The following LMNB1 variants were observed in gnomAD, a reference collection of about 807,000 sequenced individuals.
LMNB1 encodes the protein lamin-B1.
LMNB1 carries 23 observed loss-of-function variants against 67.1 expected under a neutral mutation model. The ratio of observed to expected loss-of-function variants is 0.34; its 90% CI spans 0.25 to 0.49. The LOEUF (loss-of-function observed/expected upper bound fraction) is 0.49. Ranked by LOEUF, LMNB1 falls within the 20% of genes least tolerant of loss-of-function variation. The pLI is 0.99. For synonymous variants in LMNB1, 281 were observed against 282.9 expected, an observed-to-expected ratio of 0.99 and a Z score of 0.07; for missense variants, 634 against 746.5, an observed-to-expected ratio of 0.85 and a Z score of 1.76.
chr5:126,818,844 G>A, intron 5 of LMNB1, 78 bp from the exon 6 acceptor site: 1 of 997,426 alleles, frequency 1.0e-6, no homozygotes, highest in Admixed American at 1.9e-5. Context: ...TTCCAGTCTA[G>A]GAAATGATTT....
chr5:126,827,483 A>G (rs1156511356), intron 9 of LMNB1, among the ~76,000 whole-genome samples: 1 of 152,058 alleles, frequency 6.6e-6, no homozygotes, highest in Non-Finnish European at 1.5e-5. Context: ...CAACATGGTG[A>G]AACCCCGTCT....
At chr5:126,796,343 T>C (rs1209891815) in intron 1 of LMNB1, among the ~76,000 whole-genome samples, 2 of 151,958 alleles carry the variant, frequency 1.3e-5, no homozygotes, top group African/African-American at 4.8e-5. Flanking sequence ...CCTAGACAAA[T>C]GAAGGACACC....
At chr5:126,835,307 GAATT>G (rs1752225437) in intron 10 of LMNB1, among the ~76,000 whole-genome samples, 2 of 152,202 alleles carry the variant, frequency 1.3e-5, no homozygotes, top group African/African-American at 4.8e-5. Flanking sequence ...ATCGCCTTTT[GAATT>G]GATTAGAAAT....
intron 1 of LMNB1, among the ~76,000 whole-genome samples, chr5:126,798,188 C>T (rs1003193277): frequency 6.6e-6 from 1 of 151,536 alleles, no homozygotes; most frequent in Non-Finnish European, 1.5e-5. Context: ...GGTGGCTCAC[C>T]GAGCCTGTAA....
chr5:126,776,665 ACT>A (rs999543476), upstream of LMNB1: 5 of 152,272 alleles, frequency 3.3e-5, no homozygotes, highest in African/African-American at 9.6e-5. Flanking sequence ...GGCCGGGGAC[ACT>A]CTGAGTTTCG....
intron 7 of LMNB1, among the ~76,000 whole-genome samples, chr5:126,821,368 C>G (rs576970887): frequency 4.4e-4 from 67 of 152,214 alleles, no homozygotes; most frequent in Non-Finnish European, 8.1e-4. Flanking sequence ...TTTAGAGGGC[C>G]AGGGCTTTTT....
chr5:126,798,762 AGT>A (rs71665643), intron 1 of LMNB1, among the ~76,000 whole-genome samples: 189 of 149,116 alleles, frequency 1.3e-3, no homozygotes, highest in East Asian at 0.012. Context: ...AAAAAAGAGA[AGT>A]GTGTGTGTGT....
In LMNB1 at chr5:126,818,979, G is replaced by T; in HGVS notation, c.997G>T (p.Asp333Tyr). ...ELEDLLAKEKDNSRRMLTDKE... is the reference protein window; with the variant it reads ...ELEDLLAKEKYNSRRMLTDKE... ...AGAGGACTTGCTTGCTAAAGAAAAA[G>T]ACAACTCTCGTCGCATGCTGACAGA... The change falls in exon 6 of 11, where the codon GAC (aspartate) becomes TAC (tyrosine). Residue 333 changes from aspartate to tyrosine, a missense_variant. Asp to Tyr is a radical substitution (Grantham distance 160, BLOSUM62 -3). Transcript: ENST00000261366. The T allele has an allele frequency of 6.2e-7, 1 of 1,614,172 alleles. No homozygotes were observed. Among genetic ancestry groups the T allele is most frequent in the Non-Finnish European group, 8.5e-7 (1 of 1,180,016 alleles).
In LMNB1 at chr5:126,821,114, C is replaced by T. The variant is rs770942994; in HGVS notation, c.1365C>T (p.Arg455=). Residue 455 remains arginine (R), a synonymous_variant, in exon 7 of 11, where the codon CGC becomes CGT. Coordinates refer to ENST00000261366, the MANE Select transcript of LMNB1 (RefSeq NM_005573.4). ...TTGATGTTGATGGGAAATTTATCCG[C>T]TTGAAGAACACTTCTGAACAGGTAA... ...EEIDVDGKFI[R]LKNTSEQDQP... is the part of the protein sequence containing the mutation. 1.2e-6 allele frequency: 2 copies of T among 1,612,144 alleles called. No individual in the cohort carries two copies. The highest frequency in any genetic ancestry group is 3.3e-5 in the Admixed American group (2 of 59,994).
intron 1 of LMNB1, among the ~76,000 whole-genome samples, chr5:126,781,005 C>CT (rs145368326): frequency 0.077 from 11,738 of 152,118 alleles, 543 homozygotes; most frequent in Non-Finnish European, 0.11. Context: ...TTAAAGACAG[C>CT]TTCCTGGCCA....
At chr5:126,828,487 A>G (rs1752050378) in intron 9 of LMNB1, among the ~76,000 whole-genome samples, 1 of 152,196 alleles carries the variant, frequency 6.6e-6, no homozygotes. Flanking sequence ...CTGATGACAT[A>G]TTAGTAAAGC....
intron 9 of LMNB1, among the ~76,000 whole-genome samples, chr5:126,829,136 G>GT (rs1046637632): frequency 3.6e-4 from 52 of 146,340 alleles, no homozygotes; most frequent in East Asian, 7.9e-4. Flanking sequence ...TGTTTCTTAT[G>GT]TTTTTTTTTT....
At chr5:126,792,349 A>G (rs1750983940) in intron 1 of LMNB1, among the ~76,000 whole-genome samples, 1 of 150,140 alleles carries the variant, frequency 6.7e-6, no homozygotes, top group Non-Finnish European at 1.5e-5. Context: ...TGCCATGTTG[A>G]CCAGGCTCGT....
At chr5:126,820,868 A>G (rs774342371) in intron 6 of LMNB1, 42 bp from the exon 7 acceptor site, 1 of 1,422,250 alleles carries the variant, frequency 7.0e-7, no homozygotes. Flanking sequence ...CGAGAAGGGC[A>G]TATGTGTTTT....
At chr5:126,778,442 TCA>T (rs1194656453) in intron 1 of LMNB1, among the ~76,000 whole-genome samples, 7 of 152,188 alleles carry the variant, frequency 4.6e-5, no homozygotes, top group African/African-American at 1.7e-4. Context: ...TTTGGCGCGC[TCA>T]GTCTTGGCCC....
At chr5:126,793,186 C>T (rs1751008564) in intron 1 of LMNB1, among the ~76,000 whole-genome samples, 1 of 152,152 alleles carries the variant, frequency 6.6e-6, no homozygotes, top group African/African-American at 2.4e-5. Context: ...AGGTCAGTGC[C>T]TAGCACATTG....
At chr5:126,779,795 G>A (rs967171017) in intron 1 of LMNB1, among the ~76,000 whole-genome samples, 2 of 152,190 alleles carry the variant, frequency 1.3e-5, no homozygotes, top group South Asian at 4.1e-4. Flanking sequence ...CACTTTGGGA[G>A]GCCGAGGCGG....
chr5:126,812,890 C>T (rs1303527901), intron 5 of LMNB1, among the ~76,000 whole-genome samples: 7 of 151,724 alleles, frequency 4.6e-5, no homozygotes. Context: ...GCCACCACGC[C>T]CGGCTAATTT....
chr5:126,791,021 CAATAAATA>C (rs565456745), intron 1 of LMNB1, among the ~76,000 whole-genome samples: 1 of 151,720 alleles, frequency 6.6e-6, no homozygotes, highest in Non-Finnish European at 1.5e-5. Flanking sequence ...AACTCTGTCT[CAATAAATA>C]AATAAATAAA....
Sources: gnomAD v4.1 joint callset for allele counts (sites outside exome capture counted in the v4.1 genomes callset) on GRCh38, gnomAD v4.1.1 for gene constraint, MANE v1.5 for transcripts, NCBI Gene and HGNC (gene_info 2026-07-23, HGNC 2026-07-21) for gene names.